The following PDE7A variants were observed in gnomAD, a reference collection of about 807,000 sequenced individuals.
PDE7A encodes the protein phosphodiesterase 7A.
A neutral mutation model predicts 64.3 loss-of-function variants in PDE7A; 39 were observed. That is an observed-to-expected ratio of 0.61 (90% CI 0.47 to 0.79). PDE7A has a LOEUF of 0.79. PDE7A is among the 30% of genes least tolerant of loss of function. The pLI, the probability that PDE7A is intolerant of heterozygous loss-of-function variation, is 0.00. For synonymous variants in PDE7A, 203 were observed against 206.8 expected (o/e 0.98, Z 0.16); for missense variants, 470 against 582.8 (o/e 0.81, Z 1.99).
chr8:65,766,964 A>C (rs1808818993), intron 3 of PDE7A, among the ~76,000 whole-genome samples: 3 of 152,068 alleles, frequency 2.0e-5, no homozygotes, highest in Non-Finnish European at 4.4e-5. Flanking sequence ...CAACATTTTC[A>C]GTTTAAATAT....
chr8:65,792,838 G>A (rs1399075321), intron 1 of PDE7A, among the ~76,000 whole-genome samples: 1 of 151,976 alleles, frequency 6.6e-6, no homozygotes, highest in Non-Finnish European at 1.5e-5. Flanking sequence ...TAAGAAAAAA[G>A]CTTCCATAAC....
chr8:65,767,716 T>C (rs1359774776), intron 3 of PDE7A, among the ~76,000 whole-genome samples: 1 of 152,158 alleles, frequency 6.6e-6, no homozygotes, highest in Non-Finnish European at 1.5e-5. Flanking sequence ...TAGAGTTTCT[T>C]GGAGGGTGGC....
intron 1 of PDE7A, among the ~76,000 whole-genome samples, chr8:65,794,777 T>C (rs953530518): frequency 3.9e-5 from 6 of 152,226 alleles, no homozygotes; most frequent in African/African-American, 1.4e-4. Context: ...ACACAGTCCT[T>C]GCCTTTACAC....
chr8:65,767,360 T>C (rs1195613048), intron 3 of PDE7A, among the ~76,000 whole-genome samples: 1 of 152,276 alleles, frequency 6.6e-6, no homozygotes, highest in Non-Finnish European at 1.5e-5. Context: ...ACAGTCCTTC[T>C]ATCAGGTTGA....
intron 1 of PDE7A, among the ~76,000 whole-genome samples, chr8:65,829,229 A>C (rs571228232): frequency 1.3e-5 from 2 of 152,278 alleles, no homozygotes; most frequent in South Asian, 4.1e-4. Flanking sequence ...TCATAAGTTA[A>C]TTTTTAAAGG....
In PDE7A at chr8:65,747,205, C is replaced by T. The variant is rs78482066; in HGVS notation, c.435+447G>A. On this transcript the variant is annotated intron_variant, in intron 4 of 12. Transcript: ENST00000401827. ...GATGTTATTAATACACACACACACA[C>T]AAAAAAGAGAGAGAGACCTAACTTT... 2.6e-5 allele frequency among the ~76,000 whole-genome samples: 4 copies of T among 152,120 alleles called. No individual in the cohort carries two copies. The South Asian group carries it at 8.3e-4, about 32-fold the overall frequency.
intron 1 of PDE7A, among the ~76,000 whole-genome samples, chr8:65,798,601 C>A (rs1054691797): frequency 3.3e-5 from 5 of 152,166 alleles, no homozygotes; most frequent in Middle Eastern, 3.4e-3. Flanking sequence ...AGAAGATATA[C>A]GAATAGCCAA....
At chr8:65,761,802 C>T (rs1306153619) in intron 3 of PDE7A, among the ~76,000 whole-genome samples, 1 of 152,146 alleles carries the variant, frequency 6.6e-6, no homozygotes, top group African/African-American at 2.4e-5. Flanking sequence ...GTTGCTTTCC[C>T]CTCCTCATAT....
chr8:65,746,171 T>G (rs1807668337), intron 4 of PDE7A, among the ~76,000 whole-genome samples: 1 of 151,472 alleles, frequency 6.6e-6, no homozygotes, highest in Non-Finnish European at 1.5e-5. Context: ...TGGACTCAAG[T>G]GATTCTCCCA....
chr8:65,743,769 T>C (rs2128904264), intron 5 of PDE7A, among the ~76,000 whole-genome samples: 1 of 152,140 alleles, frequency 6.6e-6, no homozygotes, highest in East Asian at 1.9e-4. Flanking sequence ...AGTGATTTCA[T>C]TATTCTAAAG....
At chr8:65,840,206 T>G (rs982882883) in intron 1 of PDE7A, among the ~76,000 whole-genome samples, 12 of 152,212 alleles carry the variant, frequency 7.9e-5, no homozygotes, top group Non-Finnish European at 1.3e-4. Flanking sequence ...TTCACAAGTC[T>G]GCTCTGACCT....
rs1341102617 is a variant in PDE7A, at chr8:65,719,199, G to C, written c.*91C>G. 2.5e-6 allele frequency: 2 copies of C among 813,394 alleles called. No homozygotes were observed. Among genetic ancestry groups the C allele is most frequent in the Non-Finnish European group, 4.2e-6 (2 of 472,872 alleles). The allele number at this position is 813,394 out of a possible 1,614,324, so 50.4% of individuals were successfully genotyped here. ...CTGGCATCACTCACTTGGAAACCTTGGCAGTCAAGAGTTAAGTTCTCTCAC... is the reference window on the plus strand; with the variant it reads ...CTGGCATCACTCACTTGGAAACCTTCGCAGTCAAGAGTTAAGTTCTCTCAC... On this transcript the variant is annotated 3_prime_UTR_variant, in exon 13 of 13. Transcript: ENST00000401827.
At chr8:65,768,046 A>G (rs1808881974) in intron 3 of PDE7A, among the ~76,000 whole-genome samples, 1 of 152,064 alleles carries the variant, frequency 6.6e-6, no homozygotes, top group Admixed American at 6.6e-5. Flanking sequence ...CAGTGTTGGA[A>G]CTGAATTAGA....
chr8:65,719,190 G>A lies in PDE7A; in HGVS notation c.*100C>T. ...TAATGCTGGCTGGCATCACTCACTT[G>A]GAAACCTTGGCAGTCAAGAGTTAAG... On this transcript the variant is annotated 3_prime_UTR_variant, in exon 13 of 13. Coordinates refer to ENST00000401827, the MANE Select transcript of PDE7A (RefSeq NM_001242318.3). The A allele has an allele frequency of 1.3e-6, 1 of 766,874 alleles. No homozygotes were observed. The highest frequency in any genetic ancestry group is 2.3e-6 in the Non-Finnish European group (1 of 437,990). The allele number at this position is 766,874 out of a possible 1,614,324, so 47.5% of individuals were successfully genotyped here.
intron 3 of PDE7A, among the ~76,000 whole-genome samples, chr8:65,779,216 A>C (rs1809338365): frequency 6.6e-6 from 1 of 152,156 alleles, no homozygotes; most frequent in Admixed American, 6.5e-5. Flanking sequence ...TTTAATATTT[A>C]AGGTGTTTAG....
At chr8:65,801,633 GTAAA>G (rs1019516150) in intron 1 of PDE7A, among the ~76,000 whole-genome samples, 4 of 151,958 alleles carry the variant, frequency 2.6e-5, no homozygotes, top group African/African-American at 7.3e-5. Flanking sequence ...TCAAAAATAA[GTAAA>G]TAAATAAATA....
In PDE7A at chr8:65,727,199, T is replaced by C. The variant is rs757103719; in HGVS notation, c.799A>G (p.Thr267Ala). 5 of 1,611,992 alleles carry C rather than the reference T, an allele frequency of 3.1e-6. No individual in the cohort carries two copies. Among genetic ancestry groups the C allele is most frequent in the Non-Finnish European group, 4.2e-6 (5 of 1,178,230 alleles). Residue 267 changes from threonine (T) to alanine (A), a missense_variant, in exon 8 of 13, where the codon ACT becomes GCT. Physicochemically the swap from Thr to Ala is moderately conservative, Grantham distance 58. Coordinates refer to ENST00000401827, the MANE Select transcript of PDE7A (RefSeq NM_001242318.3). ...PGVNQPFLIK[T>A]NHYLATLYKN... is the part of the protein sequence containing the mutation. ...TATAAAGTTGCCAAGTAATGGTTAG[T>C]TTTAATAAGGAAAGGTTGATTAACA...
chr8:65,822,043 G>C (rs189566051), intron 1 of PDE7A, among the ~76,000 whole-genome samples: 26 of 152,130 alleles, frequency 1.7e-4, no homozygotes, highest in African/African-American at 5.3e-4. Flanking sequence ...CTTTTATGCT[G>C]AAACAAAGAG....
chr8:65,795,450 G>C (rs891000530), intron 1 of PDE7A, among the ~76,000 whole-genome samples: 13 of 152,184 alleles, frequency 8.5e-5, no homozygotes, highest in African/African-American at 3.1e-4. Context: ...GGATCCCCTT[G>C]AATCTTTGGC....
Sources: allele counts gnomAD v4.1 joint callset (sites outside exome capture counted in the v4.1 genomes callset), GRCh38; gene constraint gnomAD v4.1.1; transcripts MANE v1.5; gene names NCBI Gene and HGNC (gene_info 2026-07-23, HGNC 2026-07-21).